The following LYAR variants were observed in gnomAD, a reference collection of about 807,000 sequenced individuals.
LYAR encodes cell growth-regulating nucleolar protein.
LYAR carries 37 observed loss-of-function variants against 45.2 expected under a neutral mutation model. The ratio of observed to expected loss-of-function variants is 0.82; its 90% CI spans 0.63 to 1.08. The LOEUF is 1.08. Ranked by LOEUF, LYAR falls within the 50% of genes least tolerant of loss-of-function variation. The pLI is 0.00. For missense variants in LYAR, 493 were observed against 451.0 expected (o/e 1.09, Z -0.84); for synonymous variants, 176 against 155.1 (o/e 1.14, Z -1.00).
chr4:4,273,707 G>T, intron 7 of LYAR, 38 bp from the exon 8 acceptor site: 3 of 1,270,896 alleles, frequency 2.4e-6, no homozygotes, highest in Non-Finnish European at 3.4e-6. Flanking sequence ...AGAAGATTTT[G>T]CATTTACGCT....
chr4:4,281,561 C>T (rs773489915), intron 4 of LYAR, among the ~76,000 whole-genome samples: 4 of 152,188 alleles, frequency 2.6e-5, no homozygotes, highest in Admixed American at 1.3e-4. Context: ...CCTCGTGACT[C>T]GCCTGCCTTG....
rs186848495 is a variant in LYAR at position 4,275,262 on chromosome 4, G to A, written c.430-493C>T. On this transcript the variant is annotated intron_variant, in intron 6 of 9. Transcript: ENST00000343470. ...AGTAATACCTACCTCACACACGGACGGATGAAACGAGGAAAGATCCGTCAT... is the reference window on the plus strand; with the variant it reads ...AGTAATACCTACCTCACACACGGACAGATGAAACGAGGAAAGATCCGTCAT... Among the ~76,000 whole-genome samples the A allele has an allele frequency of 7.9e-5, 12 of 152,234 alleles. No individual in the cohort carries two copies. In the East Asian group the frequency reaches 2.3e-3, roughly 29 times the overall value.
intron 9 of LYAR, 146 bp downstream of exon 9, chr4:4,268,384 G>A (rs947720302): frequency 1.1e-5 from 7 of 625,420 alleles, no homozygotes; most frequent in Admixed American, 3.0e-5. Flanking sequence ...GAGGCTGTGT[G>A]GGGCTTTGGA....
intron 7 of LYAR, among the ~76,000 whole-genome samples, chr4:4,273,897 C>A (rs1719057018): frequency 6.6e-6 from 1 of 152,170 alleles, no homozygotes; most frequent in African/African-American, 2.4e-5. Flanking sequence ...CAGGGCCCAC[C>A]TCTGCCTGGC....
At chr4:4,274,246 A>C (rs1194490616) in intron 7 of LYAR, 121 bp downstream of exon 7, 26 of 882,722 alleles carry the variant, frequency 2.9e-5, no homozygotes, top group Non-Finnish European at 4.3e-5. Context: ...CAAAAAAAAC[A>C]AAAAAAAAAA....
At chr4:4,281,552 C>T (rs35279172) in intron 4 of LYAR, among the ~76,000 whole-genome samples, 2 of 152,208 alleles carry the variant, frequency 1.3e-5, no homozygotes, top group Non-Finnish European at 2.9e-5. Context: ...AACTCCTGAC[C>T]TCGTGACTCG....
intron 8 of LYAR, among the ~76,000 whole-genome samples, chr4:4,273,129 C>A (rs753770652): frequency 1.3e-5 from 2 of 152,092 alleles, no homozygotes; most frequent in African/African-American, 4.8e-5. Flanking sequence ...TGGGGAGGAG[C>A]GAAAGGGAAC....
chr4:4,281,034 C>CATGT (rs1327006014), intron 4 of LYAR, among the ~76,000 whole-genome samples: 1 of 152,192 alleles, frequency 6.6e-6, no homozygotes, highest in East Asian at 1.9e-4. Flanking sequence ...TTCTACTGTG[C>CATGT]ATGTTTTCAT....
At chr4:4,280,468 A>G (rs1719350481) in intron 4 of LYAR, among the ~76,000 whole-genome samples, 1 of 152,182 alleles carries the variant, frequency 6.6e-6, no homozygotes, top group Non-Finnish European at 1.5e-5. Flanking sequence ...CAAATAGCCA[A>G]AACAATCTTG....
chr4:4,283,308 G>A (rs1250399791), intron 3 of LYAR, among the ~76,000 whole-genome samples: 3 of 151,958 alleles, frequency 2.0e-5, no homozygotes, highest in Non-Finnish European at 2.9e-5. Context: ...CCACCACCAC[G>A]CCTGACTAAT....
chr4:4,275,242 T>A (rs1235692647), intron 6 of LYAR, among the ~76,000 whole-genome samples: 1 of 152,202 alleles, frequency 6.6e-6, no homozygotes, highest in African/African-American at 2.4e-5. Flanking sequence ...AAGGTAGTAA[T>A]ACCTACCTCA....
At chr4:4,269,613 C>T (rs1312082593) in intron 8 of LYAR, among the ~76,000 whole-genome samples, 1 of 152,140 alleles carries the variant, frequency 6.6e-6, no homozygotes, top group Non-Finnish European at 1.5e-5. Context: ...GAGTAGAGAG[C>T]CTGGACTTCC....
In LYAR at chr4:4,281,810, G is replaced by T. The variant is rs73091404; in HGVS notation, c.210C>A (p.Gly70=). The T allele has an allele frequency of 6.2e-7, 1 of 1,613,840 alleles. No homozygotes were observed. The highest frequency in any genetic ancestry group is 2.2e-5 in the East Asian group (1 of 44,900). ...GKGYEGKTHK[G]DIKQQAWIQK... is the part of the protein sequence containing the mutation. ...GAATCCACGCCTGCTGTTTGATGTC[G>T]CCTTTGTGGGTTTTACCTTCATAGC... The change falls in exon 4 of 10, where the codon GGC becomes GGA. Residue 70 remains glycine, a synonymous_variant. Coordinates refer to ENST00000343470, the MANE Select transcript of LYAR (RefSeq NM_017816.3).
intron 3 of LYAR, among the ~76,000 whole-genome samples, chr4:4,283,324 T>C (rs1215909403): frequency 6.6e-6 from 1 of 152,160 alleles, no homozygotes; most frequent in Admixed American, 6.5e-5. Flanking sequence ...CTAATTTTTG[T>C]ATTTTTAGTA....
In LYAR at chr4:4,287,785, GA is replaced by G. The variant is rs3836624; in HGVS notation, c.-107-1214del. 3.3e-3 allele frequency among the ~76,000 whole-genome samples: 496 copies of G among 151,866 alleles called. 12 individuals are homozygous for G. The highest frequency in any genetic ancestry group is 0.024 in the Admixed American group (368 of 15,260). ...GGACCTTGAGGTCCTCATCCAAAGA[GA>G]AAAAAAATTAAGGTCTCTATAAGAT... is the stretch of plus-strand genomic sequence containing the variant. On this transcript the variant is annotated intron_variant, in intron 1 of 9. Transcript: ENST00000343470.
At chr4:4,278,451 T>C (rs923811163) in intron 6 of LYAR, among the ~76,000 whole-genome samples, 68 of 152,196 alleles carry the variant, frequency 4.5e-4, no homozygotes, top group Non-Finnish European at 2.1e-4. Flanking sequence ...TATTCAACCA[T>C]TTTGACTAAC....
intron 3 of LYAR, among the ~76,000 whole-genome samples, 171 bp from the exon 4 acceptor site, chr4:4,282,068 C>T (rs1374441161): frequency 6.6e-6 from 1 of 152,184 alleles, no homozygotes; most frequent in Admixed American, 6.5e-5. Flanking sequence ...TGGTCAGAAC[C>T]ACATCCCCCT....
At chr4:4,289,966 C>G (rs1719794383) in intron 1 of LYAR, 70 bp downstream of exon 1, 1 of 152,374 alleles carries the variant, frequency 6.6e-6, no homozygotes, top group Admixed American at 6.5e-5. Context: ...CGGTGGAAAT[C>G]CCGTCCCTCC....
chr4:4,277,519 G>C (rs974829414), intron 6 of LYAR, among the ~76,000 whole-genome samples: 1 of 152,144 alleles, frequency 6.6e-6, no homozygotes, highest in African/African-American at 2.4e-5. Flanking sequence ...ATAAATAGGT[G>C]AACCAATTCT....
Sources: gnomAD v4.1 joint callset for allele counts (sites outside exome capture counted in the v4.1 genomes callset) on GRCh38, gnomAD v4.1.1 for gene constraint, MANE v1.5 for transcripts, NCBI Gene and HGNC (gene_info 2026-07-23, HGNC 2026-07-21) for gene names.